Variants in NELL2 observed in about 807,000 individuals in gnomAD.
The protein encoded by NELL2 is neural EGFL like 2.
Under a neutral mutation model 109.6 loss-of-function variants are expected in NELL2, and 41 were observed. That is an observed-to-expected ratio of 0.37 (90% CI 0.29 to 0.49). The LOEUF (loss-of-function observed/expected upper bound fraction) is 0.49, where lower values mean the gene tolerates loss of function less well. NELL2 is among the 20% of genes least tolerant of loss of function. The pLI, the probability that NELL2 is intolerant of heterozygous loss-of-function variation, is 0.98. For missense variants in NELL2, 900 were observed against 1,008.3 expected (o/e 0.89, Z 1.45); for synonymous variants, 355 against 344.7 (o/e 1.03, Z -0.33).
intron 12 of NELL2, among the ~76,000 whole-genome samples, chr12:44,680,712 C>T (rs1435865886): frequency 1.3e-5 from 2 of 152,130 alleles, no homozygotes; most frequent in Admixed American, 6.6e-5. Context: ...TAATAATTGA[C>T]TCAAAGAAGC....
intron 2 of NELL2, among the ~76,000 whole-genome samples, chr12:44,858,650 A>G (rs891005024): frequency 6.6e-6 from 1 of 152,234 alleles, no homozygotes; most frequent in Non-Finnish European, 1.5e-5. Context: ...CCACAACAAC[A>G]GTATTCACCA....
intron 9 of NELL2, among the ~76,000 whole-genome samples, chr12:44,739,446 A>G (rs1020024255): frequency 6.6e-6 from 1 of 152,212 alleles, no homozygotes; most frequent in African/African-American, 2.4e-5. Flanking sequence ...TTGACAAACT[A>G]TGACCCAGAA....
At chr12:44,630,518 A>G (rs1163085038) in intron 13 of NELL2, among the ~76,000 whole-genome samples, 1 of 152,178 alleles carries the variant, frequency 6.6e-6, no homozygotes, top group African/African-American at 2.4e-5. Flanking sequence ...TAACTGCTCT[A>G]CAGATCAACC....
chr12:44,732,795 G>A (rs925905334), intron 9 of NELL2, among the ~76,000 whole-genome samples: 7 of 151,846 alleles, frequency 4.6e-5, no homozygotes, highest in Non-Finnish European at 7.4e-5. Context: ...TATGCAAATT[G>A]TATCAGATAA....
chr12:44,793,345 T>C (rs555256501), intron 3 of NELL2, among the ~76,000 whole-genome samples: 9 of 152,336 alleles, frequency 5.9e-5, no homozygotes, highest in Non-Finnish European at 1.2e-4. Context: ...ATTCATTATT[T>C]AATCAATTCA....
At chr12:44,865,920 G>A (rs1232978344) in intron 2 of NELL2, among the ~76,000 whole-genome samples, 7 of 151,584 alleles carry the variant, frequency 4.6e-5, no homozygotes, top group Non-Finnish European at 8.8e-5. Flanking sequence ...AAGTGTATAC[G>A]TCTTTCCGAG....
At chr12:44,536,378 T>A (rs553021465) in intron 15 of NELL2, among the ~76,000 whole-genome samples, 1 of 152,084 alleles carries the variant, frequency 6.6e-6, no homozygotes, top group Non-Finnish European at 1.5e-5. Flanking sequence ...GTGTTTCACA[T>A]ATTTTGTAAT....
intron 9 of NELL2, among the ~76,000 whole-genome samples, chr12:44,729,791 G>T (rs1392380399): frequency 2.0e-5 from 3 of 151,754 alleles, no homozygotes; most frequent in Admixed American, 6.6e-5. Flanking sequence ...TTTTTGTTTG[G>T]TTGTTTATTT....
chr12:44,574,247 G>A (rs61262467), intron 15 of NELL2, among the ~76,000 whole-genome samples: 9,527 of 151,806 alleles, frequency 0.063, 945 homozygotes, highest in African/African-American at 0.22. Context: ...GATTACAGGC[G>A]TGCGCCACAA....
Position 44,703,786 on chromosome 12 carries a change from C to G in NELL2, c.1258G>C (p.Ala420Pro). The change falls in exon 12 of 20, where the codon GCT (alanine) becomes CCT (proline). Residue 420 changes from alanine to proline, a missense_variant. Coordinates refer to ENST00000429094, the MANE Select transcript of NELL2 (RefSeq NM_001145108.2). ...NSICRNLNDR[A>P]VCSCRDGFRA... ...AAACCATCTCGACAGCTACAAACAGCCCTGTCATTCAGATTTCTGCAGATG... is the reference window on the plus strand; with the variant it reads ...AAACCATCTCGACAGCTACAAACAGGCCTGTCATTCAGATTTCTGCAGATG... 3.1e-6 allele frequency: 5 copies of G among 1,613,436 alleles called. No individual in the cohort carries two copies. The highest frequency in any genetic ancestry group is 3.4e-6 in the Non-Finnish European group (4 of 1,179,578).
intron 9 of NELL2, among the ~76,000 whole-genome samples, chr12:44,744,139 A>G (rs1280434748): frequency 6.6e-6 from 1 of 152,236 alleles, no homozygotes; most frequent in Non-Finnish European, 1.5e-5. Flanking sequence ...ACTCAGGATT[A>G]AGAAACTCAC....
At chr12:44,810,846 T>C (rs1343035409) in intron 3 of NELL2, among the ~76,000 whole-genome samples, 2 of 152,150 alleles carry the variant, frequency 1.3e-5, no homozygotes, top group African/African-American at 4.8e-5. Flanking sequence ...ACCAATTTTT[T>C]AAGAAAGCTA....
chr12:44,532,647 G>A lies in NELL2; in HGVS notation c.1738C>T (p.His580Tyr). The A allele has an allele frequency of 1.2e-6, 2 of 1,613,576 alleles. No individual in the cohort carries two copies. The highest frequency in any genetic ancestry group is 2.2e-5 in the South Asian group (2 of 91,058). ...TGGTAGCCATCTCTGCACTCACAGT[G>A]GTACCATCCAGGCAGGTTAATGCAA... ...ANCINLPGWY[H>Y]CECRDGYHDN... The change falls in exon 16 of 20, where the codon CAC (histidine) becomes TAC (tyrosine). Residue 580 changes from histidine to tyrosine, a missense_variant. Around this residue, in one of 4 missense-constraint regions of NELL2, gnomAD observed 333 missense variants for 432.3 expected, o/e 0.77. Coordinates refer to ENST00000429094, the MANE Select transcript of NELL2 (RefSeq NM_001145108.2).
At chr12:44,821,048 C>CAT (rs1031146977) in intron 2 of NELL2, among the ~76,000 whole-genome samples, 1 of 148,836 alleles carries the variant, frequency 6.7e-6, no homozygotes, top group Admixed American at 6.7e-5. Flanking sequence ...TTTATAAATA[C>CAT]ACACACACAC....
intron 15 of NELL2, among the ~76,000 whole-genome samples, chr12:44,533,018 G>A (rs1942152264): frequency 6.6e-6 from 1 of 152,146 alleles, no homozygotes; most frequent in African/African-American, 2.4e-5. Flanking sequence ...AGCTCTTCTA[G>A]ACACAAGCTA....
Position 44,703,758 on chromosome 12 carries a change from C to G in NELL2, c.1286G>C (p.Arg429Thr). The G allele has an allele frequency of 1.9e-6, 3 of 1,613,486 alleles. No homozygotes were observed. Among genetic ancestry groups the G allele is most frequent in the Non-Finnish European group, 2.5e-6 (3 of 1,179,640 alleles). The part of the protein sequence containing the change: ...RAVCSCRDGF[R>T]ALREDNAYCE... ...GTAGGCATTATCCTCTCGAAGAGCC[C>G]TAAAACCATCTCGACAGCTACAAAC... The change falls in exon 12 of 20, where the codon AGG becomes ACG. Residue 429 changes from arginine (R) to threonine (T), a missense_variant. Arg to Thr is a moderately conservative substitution (Grantham distance 71). Coordinates refer to ENST00000429094, the MANE Select transcript of NELL2 (RefSeq NM_001145108.2).
At chr12:44,814,932 G>A (rs1943292618) in intron 3 of NELL2, among the ~76,000 whole-genome samples, 1 of 152,090 alleles carries the variant, frequency 6.6e-6, no homozygotes, top group Admixed American at 6.5e-5. Flanking sequence ...TTTTTATATA[G>A]GTAAAGCATT....
chr12:44,892,724 G>A (rs1001837479), intron 1 of NELL2, among the ~76,000 whole-genome samples: 7 of 150,642 alleles, frequency 4.6e-5, no homozygotes, highest in Non-Finnish European at 1.0e-4. Context: ...CGTGAACCCG[G>A]GAGGCGGAGC....
At chr12:44,719,554 G>T (rs1264977164) in intron 9 of NELL2, among the ~76,000 whole-genome samples, 1 of 152,076 alleles carries the variant, frequency 6.6e-6, no homozygotes, top group East Asian at 1.9e-4. Flanking sequence ...CTTTAAAAAT[G>T]ATTCCTTACA....
Sources: allele counts gnomAD v4.1 joint callset (sites outside exome capture counted in the v4.1 genomes callset), GRCh38; gene constraint gnomAD v4.1.1; regional missense constraint gnomAD v4.1.1; transcripts MANE v1.5; gene names NCBI Gene and HGNC (gene_info 2026-07-23, HGNC 2026-07-21).